The following NOP58 variants were observed in gnomAD, a reference collection of about 807,000 sequenced individuals.
The protein encoded by NOP58 is nucleolar protein 58.
A neutral mutation model predicts 71.2 loss-of-function variants in NOP58; 44 were observed. The ratio of observed to expected loss-of-function variants is 0.62; its 90% CI spans 0.49 to 0.79. NOP58 has a LOEUF of 0.79. Among genes scored for constraint, NOP58 ranks in the 30% least tolerant of loss-of-function variants. NOP58 has a pLI of 0.00. For missense variants in NOP58, 538 were observed against 620.2 expected, an observed-to-expected ratio of 0.87 and a Z score of 1.41; for synonymous variants, 228 against 200.3, an observed-to-expected ratio of 1.14 and a Z score of -1.17.
At chr2:202,297,257 A>G in intron 10 of NOP58, 122 bp from the exon 11 acceptor site, 1 of 866,140 alleles carries the variant, frequency 1.2e-6, no homozygotes, top group South Asian at 2.2e-5. Context: ...AGGTTGAAAT[A>G]CGATGGATGA....
intron 9 of NOP58, among the ~76,000 whole-genome samples, chr2:202,293,964 A>G (rs1358532607): frequency 6.6e-6 from 1 of 151,924 alleles, no homozygotes; most frequent in Non-Finnish European, 1.5e-5. Context: ...GTCTCTACCC[A>G]TTTTCATAGG....
rs571444370 is a variant in NOP58 at position 202,279,573 on chromosome 2, G to A, written c.175+1571G>A. Among the ~76,000 whole-genome samples, 31 of 152,308 alleles carry A rather than the reference G, an allele frequency of 2.0e-4. 1 individual carries two copies. The highest frequency in any genetic ancestry group is 4.1e-4 in the South Asian group (2 of 4,830). On this transcript the variant is annotated intron_variant, in intron 3 of 14. Coordinates refer to ENST00000264279, the MANE Select transcript of NOP58 (RefSeq NM_015934.5). Reference sequence around the variant, plus strand: ...AGCACTTTGGGAGGCCAAGACAGGCGGATCACCTGAGGTCAGTTCAAGATC... The same window carrying A: ...AGCACTTTGGGAGGCCAAGACAGGCAGATCACCTGAGGTCAGTTCAAGATC...
chr2:202,293,637 A>G (rs1251791735), intron 9 of NOP58, among the ~76,000 whole-genome samples: 1 of 152,072 alleles, frequency 6.6e-6, no homozygotes. Context: ...GCTGGAGTGC[A>G]GTGGCTCACT....
intron 4 of NOP58, 83 bp from the exon 5 acceptor site, chr2:202,284,262 T>C: frequency 2.6e-6 from 3 of 1,170,688 alleles, no homozygotes; most frequent in Non-Finnish European, 3.6e-6. Flanking sequence ...GACAGAGTGA[T>C]ACTGTGTCTC....
At chr2:202,270,105 A>G (rs1421391645) in intron 1 of NOP58, among the ~76,000 whole-genome samples, 1 of 152,242 alleles carries the variant, frequency 6.6e-6, no homozygotes, top group Non-Finnish European at 1.5e-5. Flanking sequence ...TACATACTGT[A>G]TAACTCACCT....
chr2:202,271,658 C>G (rs1688513374), intron 1 of NOP58, among the ~76,000 whole-genome samples: 1 of 152,072 alleles, frequency 6.6e-6, no homozygotes, highest in African/African-American at 2.4e-5. Context: ...AAAAAACCAG[C>G]TGGATCAGGC....
Position 202,290,465 on chromosome 2 carries a change from A to G in NOP58, c.634+8A>G, listed in dbSNP as rs1481627607. The stretch of plus-strand genomic sequence containing the variant: ...AGTGTTTACAGAAAGTTGGTGAGTA[A>G]TTTGTTCATCCTTTAAGGCATTGAA... On this transcript the variant is annotated splice_region_variant and intron_variant, in intron 7 of 14. Transcript: ENST00000264279. 2.5e-6 allele frequency: 4 copies of G among 1,603,532 alleles called. No homozygotes were observed. Among genetic ancestry groups the G allele is most frequent in the South Asian group, 2.2e-5 (2 of 90,184 alleles).
intron 9 of NOP58, among the ~76,000 whole-genome samples, chr2:202,293,659 C>T (rs1029472237): frequency 1.3e-5 from 2 of 152,144 alleles, no homozygotes; most frequent in Non-Finnish European, 2.9e-5. Context: ...CAACCTCTGC[C>T]TCCCAGGTTC....
At chr2:202,294,361 A>G (rs990218124) in intron 9 of NOP58, among the ~76,000 whole-genome samples, 1 of 150,442 alleles carries the variant, frequency 6.6e-6, no homozygotes, top group Non-Finnish European at 1.5e-5. Flanking sequence ...AAAAAGAACT[A>G]TGTATTTGTT....
At chr2:202,270,916 C>T (rs1688502543) in intron 1 of NOP58, among the ~76,000 whole-genome samples, 1 of 151,726 alleles carries the variant, frequency 6.6e-6, no homozygotes, top group African/African-American at 2.4e-5. Flanking sequence ...AGTGAAACCC[C>T]GTCTCTACTA....
Position 202,265,984 on chromosome 2 carries a change from A to C in NOP58, c.43A>C (p.Lys15Gln). 1 of 1,614,110 alleles carries C rather than the reference A, an allele frequency of 6.2e-7. No homozygotes were observed. The highest frequency in any genetic ancestry group is 8.5e-7 in the Non-Finnish European group (1 of 1,180,012). ...FETSVGYAIF[K>Q]VLNEKKLQEV... ...AACGTCTGTGGGTTACGCCATCTTT[A>C]AGGTAGGTGGGAGAGCGAGCCGTTA... The change falls in exon 1 of 15, where the codon AAG (lysine) becomes CAG (glutamine). Residue 15 changes from lysine (K) to glutamine (Q), a missense_variant and splice_region_variant. Lys to Gln is a moderately conservative substitution (Grantham distance 53). Coordinates refer to ENST00000264279, the MANE Select transcript of NOP58 (RefSeq NM_015934.5).
At chr2:202,299,842 CTTT>C (rs57184037) in intron 12 of NOP58, 1,700 of 127,206 alleles carry the variant, frequency 0.013, 17 homozygotes, top group African/African-American at 0.019. Flanking sequence ...TTTTGTTCTG[CTTT>C]TTTTTTTTTT....
At chr2:202,293,726 A>G (rs773288343) in intron 9 of NOP58, among the ~76,000 whole-genome samples, 4 of 152,034 alleles carry the variant, frequency 2.6e-5, no homozygotes, top group Non-Finnish European at 4.4e-5. Flanking sequence ...ATGTGCTGCC[A>G]CCATGCCTGG....
chr2:202,291,170 C>T lies in NOP58; in HGVS notation c.680C>T (p.Pro227Leu), dbSNP rs1319543502. Reference protein sequence around the residue: ...YASAKLSELLPEEVEAEVKAA... With the variant: ...YASAKLSELLLEEVEAEVKAA... ...TCTGCCAAGCTTTCTGAGTTGCTGCCAGAAGAAGTTGAAGCAGAAGTGAAA... is the reference window on the plus strand; with the variant it reads ...TCTGCCAAGCTTTCTGAGTTGCTGCTAGAAGAAGTTGAAGCAGAAGTGAAA... The change falls in exon 8 of 15, where the codon CCA becomes CTA. Residue 227 changes from proline (P) to leucine (L), a missense_variant. Physicochemically the swap from Pro to Leu is moderately conservative, Grantham distance 98 (BLOSUM62 -3). Transcript: ENST00000264279. The T allele has an allele frequency of 6.2e-7, 1 of 1,612,726 alleles. No individual in the cohort carries two copies. Among genetic ancestry groups the T allele is most frequent in the African/African-American group, 1.3e-5 (1 of 74,848 alleles).
At chr2:202,299,564 G>A (rs1689055165) in intron 12 of NOP58, among the ~76,000 whole-genome samples, 1 of 151,958 alleles carries the variant, frequency 6.6e-6, no homozygotes, top group Non-Finnish European at 1.5e-5. Flanking sequence ...CAGCTTACAG[G>A]TCTGCTTAAA....
chr2:202,294,856 A>C (rs1688964533), intron 9 of NOP58, among the ~76,000 whole-genome samples: 1 of 151,896 alleles, frequency 6.6e-6, no homozygotes, highest in African/African-American at 2.4e-5. Context: ...AATCCCAGCT[A>C]CTCGGAGGCT....
At chr2:202,295,644 T>G in intron 9 of NOP58, 30 bp from the exon 10 acceptor site, 1 of 1,519,070 alleles carries the variant, frequency 6.6e-7, no homozygotes, top group Non-Finnish European at 8.9e-7. Flanking sequence ...TATTTGGAGG[T>G]GCATTCTTTG....
chr2:202,272,149 A>ATTTTTTTT (rs570916461), intron 1 of NOP58, among the ~76,000 whole-genome samples: 1 of 111,162 alleles, frequency 9.0e-6, no homozygotes, highest in Non-Finnish European at 1.7e-5. Context: ...CTGATGTATA[A>ATTTTTTTT]TTTTTTTTTT....
intron 7 of NOP58, among the ~76,000 whole-genome samples, chr2:202,290,669 A>G (rs1421123092): frequency 6.6e-6 from 1 of 152,202 alleles, no homozygotes; most frequent in Admixed American, 6.6e-5. Flanking sequence ...ATTAGTACCT[A>G]ATGCTAAATA....
Sources: allele counts gnomAD v4.1 joint callset (sites outside exome capture counted in the v4.1 genomes callset), GRCh38; gene constraint gnomAD v4.1.1; transcripts MANE v1.5; gene names NCBI Gene and HGNC (gene_info 2026-07-23, HGNC 2026-07-21).